MECOM: variants seen among roughly 807,000 people sequenced by gnomAD.
The protein encoded by MECOM is histone-lysine N-methyltransferase MECOM.
A neutral mutation model predicts 116.3 loss-of-function variants in MECOM; 13 were observed. That is an observed-to-expected ratio of 0.11 (90% CI 0.07 to 0.18). The LOEUF (loss-of-function observed/expected upper bound fraction) is 0.18. Ranked by LOEUF, MECOM falls within the 10% of genes least tolerant of loss-of-function variation. The pLI, the probability that MECOM is intolerant of heterozygous loss-of-function variation, is 1.00. For synonymous variants in MECOM, 528 were observed against 535.2 expected, an observed-to-expected ratio of 0.99 and a Z score of 0.19; for missense variants, 1,299 against 1,509.0, an observed-to-expected ratio of 0.86 and a Z score of 2.31.
chr3:169,558,498 G>A (rs1283171088), intron 1 of MECOM, among the ~76,000 whole-genome samples: 11 of 152,132 alleles, frequency 7.2e-5, no homozygotes, highest in Admixed American at 7.2e-4. Context: ...AAATAGATGT[G>A]TGTGATAAAA....
intron 2 of MECOM, among the ~76,000 whole-genome samples, chr3:169,226,962 T>C (rs890241995): frequency 1.8e-4 from 28 of 152,346 alleles, no homozygotes; most frequent in Admixed American, 1.5e-3. Context: ...ATCCTTGCCC[T>C]ATGTTTAAGA....
At chr3:169,386,797 T>C (rs1350825526) in intron 1 of MECOM, among the ~76,000 whole-genome samples, 1 of 152,178 alleles carries the variant, frequency 6.6e-6, no homozygotes, top group Non-Finnish European at 1.5e-5. Context: ...TTTCAGAAAG[T>C]GTATAGCAAT....
At position 169,617,292 on chromosome 3, in the gene MECOM, A is replaced by G. The variant is rs191532789; in HGVS notation, c.37+46044T>C. Among the ~76,000 whole-genome samples, 8 of 152,354 alleles carry G rather than the reference A, an allele frequency of 5.3e-5. No homozygotes were observed. In the East Asian group the frequency reaches 1.5e-3, roughly 29 times the overall value. The stretch of plus-strand genomic sequence containing the variant: ...CTTACAATAAAAGTAAATCATTTGC[A>G]TAATGAATATTTGTGTGTTTGTGAA... On this transcript the variant is annotated intron_variant, in intron 1 of 16. Transcript: ENST00000651503.
intron 5 of MECOM, among the ~76,000 whole-genome samples, chr3:169,127,264 A>G (rs1197904795): frequency 6.6e-6 from 1 of 152,126 alleles, no homozygotes; most frequent in Non-Finnish European, 1.5e-5. Flanking sequence ...TTATTGTGTT[A>G]AAAATAAGTG....
intron 2 of MECOM, among the ~76,000 whole-genome samples, chr3:169,336,716 T>G (rs1406912181): frequency 1.3e-5 from 2 of 152,146 alleles, no homozygotes; most frequent in Non-Finnish European, 2.9e-5. Flanking sequence ...GAACTTTGAC[T>G]CATTTAAATT....
At chr3:169,144,054 A>G (rs977499149) in intron 2 of MECOM, among the ~76,000 whole-genome samples, 7 of 152,210 alleles carry the variant, frequency 4.6e-5, no homozygotes, top group Middle Eastern at 3.2e-3. Context: ...TTGTTACAAA[A>G]ACTGATTAAT....
At chr3:169,496,085 C>T (rs1753769473) in intron 1 of MECOM, among the ~76,000 whole-genome samples, 1 of 152,178 alleles carries the variant, frequency 6.6e-6, no homozygotes, top group Non-Finnish European at 1.5e-5. Context: ...ATATGGGAGC[C>T]TCCTCAAACA....
chr3:169,482,365 T>C (rs1751444892), intron 1 of MECOM, among the ~76,000 whole-genome samples: 1 of 135,700 alleles, frequency 7.4e-6, no homozygotes, highest in Non-Finnish European at 1.5e-5. Flanking sequence ...GGAGTCTCGC[T>C]CTGTGGCCCA....
intron 2 of MECOM, among the ~76,000 whole-genome samples, chr3:169,224,932 C>A (rs1752556165): frequency 6.6e-6 from 1 of 152,124 alleles, no homozygotes; most frequent in African/African-American, 2.4e-5. Flanking sequence ...AAGTTCTTGG[C>A]AAAATGTATG....
At chr3:169,371,276 C>T (rs1381799210) in intron 2 of MECOM, among the ~76,000 whole-genome samples, 1 of 151,836 alleles carries the variant, frequency 6.6e-6, no homozygotes, top group African/African-American at 2.4e-5. Context: ...ACAAATACTG[C>T]ATGATTTCAC....
chr3:169,458,658 G>A (rs901336719), intron 1 of MECOM, among the ~76,000 whole-genome samples: 11 of 152,208 alleles, frequency 7.2e-5, no homozygotes, highest in Non-Finnish European at 1.3e-4. Context: ...TCACTCACCC[G>A]CCATCCCACA....
chr3:169,209,006 C>A (rs1251104345), intron 2 of MECOM, among the ~76,000 whole-genome samples: 2 of 151,540 alleles, frequency 1.3e-5, no homozygotes, highest in Non-Finnish European at 2.9e-5. Context: ...ACATATAGAA[C>A]AATGGAACAG....
rs574739954 is a variant in MECOM, at chr3:169,202,334, T to C, written c.376-58502A>G. Reference sequence around the variant, plus strand: ...AGTGTTATTAATGTAATTATAACTATGCCAAGTAATTGATTTAAACTGGTG... The same window carrying C: ...AGTGTTATTAATGTAATTATAACTACGCCAAGTAATTGATTTAAACTGGTG... On this transcript the variant is annotated intron_variant, in intron 2 of 16. Transcript: ENST00000651503. 4.6e-5 allele frequency among the ~76,000 whole-genome samples: 7 copies of C among 152,298 alleles called. No individual in the cohort carries two copies. In the East Asian group the frequency reaches 1.4e-3, roughly 29 times the overall value.
intron 1 of MECOM, among the ~76,000 whole-genome samples, chr3:169,556,474 G>A (rs985861188): frequency 4.6e-5 from 7 of 152,178 alleles, no homozygotes; most frequent in Non-Finnish European, 8.8e-5. Context: ...GAGTCATTGG[G>A]TAACTGAACA....
At chr3:169,476,583 A>G (rs772427913) in intron 1 of MECOM, among the ~76,000 whole-genome samples, 1 of 152,160 alleles carries the variant, frequency 6.6e-6, no homozygotes, top group Non-Finnish European at 1.5e-5. Context: ...TCAATGCTTG[A>G]TGCAGATCGA....
chr3:169,292,704 G>A (rs963403545), intron 2 of MECOM, among the ~76,000 whole-genome samples: 1 of 152,156 alleles, frequency 6.6e-6, no homozygotes, highest in African/African-American at 2.4e-5. Flanking sequence ...GTGAATTCTG[G>A]TGGTACCATC....
intron 1 of MECOM, among the ~76,000 whole-genome samples, chr3:169,522,318 C>G (rs1347293205): frequency 6.6e-6 from 1 of 152,114 alleles, no homozygotes; most frequent in Non-Finnish European, 1.5e-5. Context: ...CTTAAGAGAC[C>G]AAAGGGTCAG....
intron 2 of MECOM, among the ~76,000 whole-genome samples, chr3:169,157,165 G>C (rs1161182323): frequency 6.6e-6 from 1 of 152,156 alleles, no homozygotes; most frequent in East Asian, 1.9e-4. Flanking sequence ...TCTATTGAAA[G>C]TACACCTAAA....
chr3:169,093,855 A>G (rs1299829313), intron 13 of MECOM, among the ~76,000 whole-genome samples: 2 of 152,210 alleles, frequency 1.3e-5, no homozygotes, highest in African/African-American at 4.8e-5. Flanking sequence ...TATCTGTAAT[A>G]TAATAGTTCA....
Sources: allele counts gnomAD v4.1 joint callset (sites outside exome capture counted in the v4.1 genomes callset), GRCh38; gene constraint gnomAD v4.1.1; transcripts MANE v1.5; gene names NCBI Gene and HGNC (gene_info 2026-07-23, HGNC 2026-07-21).